The following USP12 variants were observed in gnomAD, a reference collection of about 807,000 sequenced individuals.
USP12 encodes the protein ubiquitin specific peptidase 12, also known as ubiquitin carboxyl-terminal hydrolase 12.
Under a neutral mutation model 45.5 loss-of-function variants are expected in USP12, and 19 were observed. The observed-to-expected ratio is 0.42, with a 90% confidence interval of 0.29 to 0.61. The LOEUF is 0.61. Among genes scored for constraint, USP12 ranks in the 20% least tolerant of loss-of-function variants. The probability of loss-of-function intolerance (pLI) is 0.22; values close to 1 mark genes in which losing one functional copy is unlikely to be tolerated. For missense variants in USP12, 242 were observed against 447.7 expected (o/e 0.54, Z 4.15); for synonymous variants, 149 against 148.8 (o/e 1.00, Z -0.01).
intron 1 of USP12, among the ~76,000 whole-genome samples, chr13:27,156,067 T>C (rs999509509): frequency 2.6e-5 from 4 of 152,066 alleles, no homozygotes; most frequent in South Asian, 4.1e-4. Flanking sequence ...CTAAAAACCA[T>C]GAGGTAAAAA....
chr13:27,119,244 A>G (rs1307556897), intron 1 of USP12, among the ~76,000 whole-genome samples: 1 of 152,210 alleles, frequency 6.6e-6, no homozygotes, highest in Non-Finnish European at 1.5e-5. Flanking sequence ...CAAGACAGCT[A>G]TAATACAAAA....
chr13:27,170,162 C>T (rs1010707674), intron 1 of USP12: 25 of 396,032 alleles, frequency 6.3e-5, no homozygotes, highest in Non-Finnish European at 9.3e-5. Context: ...TGAGAAAGAA[C>T]AATCATCCAG....
At chr13:27,092,657 C>T in intron 4 of USP12, among the ~76,000 whole-genome samples, 1 of 152,158 alleles carries the variant, frequency 6.6e-6, no homozygotes, top group Non-Finnish European at 1.5e-5. Flanking sequence ...AGCAGATGGA[C>T]ATCCACATGC....
intron 6 of USP12, among the ~76,000 whole-genome samples, chr13:27,088,554 A>C (rs888715997): frequency 3.9e-5 from 6 of 152,186 alleles, no homozygotes; most frequent in Non-Finnish European, 8.8e-5. Flanking sequence ...TTGAACAAAC[A>C]AGACAGTTTA....
chr13:27,069,502 T>A (rs1873140262), intron 8 of USP12, 118 bp from the exon 9 acceptor site: 1 of 778,776 alleles, frequency 1.3e-6, no homozygotes, highest in Non-Finnish European at 2.2e-6. Context: ...AATGGAACTC[T>A]CACACACAGC....
At chr13:27,100,891 G>T (rs539811640) in intron 3 of USP12, among the ~76,000 whole-genome samples, 2 of 152,288 alleles carry the variant, frequency 1.3e-5, no homozygotes, top group African/African-American at 4.8e-5. Flanking sequence ...TCCCTACAGC[G>T]GCTAACTACA....
At chr13:27,155,323 T>A (rs371394267) in intron 1 of USP12, among the ~76,000 whole-genome samples, 5 of 151,882 alleles carry the variant, frequency 3.3e-5, no homozygotes, top group African/African-American at 1.2e-4. Flanking sequence ...CCTCGTGATC[T>A]GCCCGCCTTG....
chr13:27,088,470 C>T (rs905901615), intron 6 of USP12, among the ~76,000 whole-genome samples: 2 of 149,398 alleles, frequency 1.3e-5, no homozygotes, highest in Non-Finnish European at 3.0e-5. Context: ...TCCTTTTTAG[C>T]ATCTGGAAAC....
chr13:27,072,220 T>C (rs118056995), intron 7 of USP12, among the ~76,000 whole-genome samples: 7,102 of 152,062 alleles, frequency 0.047, 188 homozygotes, highest in Admixed American at 0.077. Context: ...TTGTGTGTTA[T>C]GGGGAGAGGG....
intron 6 of USP12, among the ~76,000 whole-genome samples, chr13:27,076,849 T>C (rs1330307570): frequency 6.6e-6 from 1 of 152,230 alleles, no homozygotes; most frequent in African/African-American, 2.4e-5. Context: ...GTGAATGAAC[T>C]TGGCCTTTTG....
At chr13:27,126,871 A>G (rs139355463) in intron 1 of USP12, among the ~76,000 whole-genome samples, 4 of 152,362 alleles carry the variant, frequency 2.6e-5, no homozygotes, top group Non-Finnish European at 5.9e-5. Context: ...AAAAATGTAT[A>G]GAAGATGTTC....
rs1358890644 is a variant in USP12 at position 27,067,733 on chromosome 13, GA to G, written c.*1549del. The G allele has an allele frequency of 6.6e-6, 1 of 152,004 alleles. No homozygotes were observed. Among genetic ancestry groups the G allele is most frequent in the African/African-American group, 2.4e-5 (1 of 41,398 alleles). 9.4% of individuals were successfully genotyped at this position (152,004 alleles called of 1,614,324 possible). On this transcript the variant is annotated 3_prime_UTR_variant, in exon 9 of 9. Coordinates refer to ENST00000282344, the MANE Select transcript of USP12 (RefSeq NM_182488.4). ...TTTTAGCAAAAGGACTTTAGAAAAT[GA>G]CAATTTTTTTTAAATTTACTGCCTG...
intron 3 of USP12, among the ~76,000 whole-genome samples, chr13:27,100,407 G>C (rs1465184816): frequency 6.6e-6 from 1 of 152,020 alleles, no homozygotes; most frequent in African/African-American, 2.4e-5. Context: ...ATCAACCTTT[G>C]GCATTTTCTA....
intron 1 of USP12, among the ~76,000 whole-genome samples, chr13:27,132,632 G>A (rs957491862): frequency 7.9e-5 from 12 of 152,172 alleles, no homozygotes; most frequent in African/African-American, 2.9e-4. Flanking sequence ...CTGCATTTGC[G>A]TAGGTCTGGC....
rs1422842507 is a variant in USP12 at position 27,129,047 on chromosome 13, A to G, written c.49-12451T>C. Among the ~76,000 whole-genome samples the G allele has an allele frequency of 6.6e-6, 1 of 152,222 alleles. No individual in the cohort carries two copies. The stretch of plus-strand genomic sequence containing the variant: ...GACTCACCCTAATAAAAAGCAAATT[A>G]TCATCAAACTTACATAGTTTTATCA... On this transcript the variant is annotated intron_variant, in intron 1 of 8. Transcript: ENST00000282344. The surrounding 1 kb of genome is among the most constrained non-coding windows in gnomAD (Gnocchi z 4.0).
intron 6 of USP12, among the ~76,000 whole-genome samples, chr13:27,076,754 A>G (rs1407012585): frequency 1.3e-5 from 2 of 152,200 alleles, no homozygotes; most frequent in Non-Finnish European, 2.9e-5. Flanking sequence ...GTGAAAAAAA[A>G]AATCATTTTA....
At position 27,171,665 on chromosome 13, in the gene USP12, T is replaced by C; in HGVS notation, c.-26A>G. 2 of 1,202,998 alleles carry C rather than the reference T, an allele frequency of 1.7e-6. No individual in the cohort carries two copies. The highest frequency in any genetic ancestry group is 1.4e-5 in the South Asian group (1 of 69,120). 74.5% of individuals were successfully genotyped at this position (1,202,998 alleles called of 1,614,324 possible). Reference sequence around the variant, plus strand: ...CCGGCCAGCGCCATCTTCCACCCAATCACAGCGGCGGCGGCGGGCGGGGGA... The same window carrying C: ...CCGGCCAGCGCCATCTTCCACCCAACCACAGCGGCGGCGGCGGGCGGGGGA... On this transcript the variant is annotated 5_prime_UTR_variant, in exon 1 of 9. Transcript: ENST00000282344.
intron 1 of USP12, among the ~76,000 whole-genome samples, chr13:27,132,095 G>A (rs1285928680): frequency 6.6e-6 from 1 of 152,108 alleles, no homozygotes; most frequent in Non-Finnish European, 1.5e-5. Context: ...GAAACAAAAG[G>A]AAATAAGCAC....
intron 1 of USP12, among the ~76,000 whole-genome samples, chr13:27,166,830 A>C (rs975845508): frequency 1.3e-5 from 2 of 152,146 alleles, no homozygotes; most frequent in Non-Finnish European, 2.9e-5. Flanking sequence ...TAATCATTAA[A>C]CATATAACCT....
Sources: allele counts gnomAD v4.1 joint callset (sites outside exome capture counted in the v4.1 genomes callset), GRCh38; gene constraint gnomAD v4.1.1; non-coding constraint Gnocchi (gnomAD v3.1); transcripts MANE v1.5; gene names NCBI Gene and HGNC (gene_info 2026-07-23, HGNC 2026-07-21).